The following RNF8 variants were observed in gnomAD, a reference collection of about 807,000 sequenced individuals.
The protein encoded by RNF8 is ring finger protein 8, also known as E3 ubiquitin-protein ligase RNF8.
Under a neutral mutation model 59.3 loss-of-function variants are expected in RNF8, and 8 were observed. That is an observed-to-expected ratio of 0.13 (90% CI 0.08 to 0.24). RNF8 has a LOEUF of 0.24. Among genes scored for constraint, RNF8 ranks in the 10% least tolerant of loss-of-function variants. The pLI, the probability that RNF8 is intolerant of heterozygous loss-of-function variation, is 1.00. For synonymous variants in RNF8, 162 were observed against 200.0 expected, an observed-to-expected ratio of 0.81 and a Z score of 1.60; for missense variants, 406 against 572.6, an observed-to-expected ratio of 0.71 and a Z score of 2.97.
chr6:37,386,020 G>C (rs1436612444), intron 7 of RNF8, among the ~76,000 whole-genome samples: 1 of 151,954 alleles, frequency 6.6e-6, no homozygotes, highest in East Asian at 1.9e-4. Context: ...ATTTTTTGTA[G>C]AGATGGGATT....
intron 4 of RNF8, among the ~76,000 whole-genome samples, chr6:37,371,858 T>A (rs1469226520): frequency 6.6e-6 from 1 of 152,148 alleles, no homozygotes; most frequent in African/African-American, 2.4e-5. Flanking sequence ...GGGAAGTGGC[T>A]CCACTTCTAG....
intron 7 of RNF8, among the ~76,000 whole-genome samples, chr6:37,383,677 T>A (rs193188938): frequency 6.6e-6 from 1 of 152,304 alleles, no homozygotes; most frequent in African/African-American, 2.4e-5. Context: ...GCCATTGATC[T>A]CTTGTGTGAG....
chr6:37,390,721 T>A (rs183247557), intron 7 of RNF8, 21 bp from the exon 8 acceptor site: 1 of 1,583,056 alleles, frequency 6.3e-7, no homozygotes, highest in Admixed American at 1.7e-5. Context: ...ATTTATTTAT[T>A]TCTCTTCTTT....
intron 2 of RNF8, among the ~76,000 whole-genome samples, chr6:37,365,042 T>C (rs1769491340): frequency 6.6e-6 from 1 of 152,156 alleles, no homozygotes; most frequent in Non-Finnish European, 1.5e-5. Flanking sequence ...GTGTTAGGAT[T>C]ACAGGCGTGA....
In RNF8 at chr6:37,368,713, G is replaced by T; in HGVS notation, c.470G>T (p.Ser157Ile). ...GAATTGAGAACTAAAAGGAAATTCAGTTTGGATGAATTAGCAGGTCCTGGA... is the reference window on the plus strand; with the variant it reads ...GAATTGAGAACTAAAAGGAAATTCATTTTGGATGAATTAGCAGGTCCTGGA... Reference protein sequence around the residue: ...NKELRTKRKFSLDELAGPGAE... With the variant: ...NKELRTKRKFILDELAGPGAE... The change falls in exon 3 of 8, where the codon AGT becomes ATT. Residue 157 changes from serine (S) to isoleucine (I), a missense_variant. Physicochemically the swap from Ser to Ile is moderately radical, Grantham distance 142. Around this residue, in one of 3 missense-constraint regions of RNF8, gnomAD observed 285 missense variants for 342.0 expected, o/e 0.83. Coordinates refer to ENST00000373479, the MANE Select transcript of RNF8 (RefSeq NM_003958.4). 1 of 1,614,180 alleles carries T rather than the reference G, an allele frequency of 6.2e-7. No individual in the cohort carries two copies. Among genetic ancestry groups the T allele is most frequent in the South Asian group, 1.1e-5 (1 of 91,080 alleles).
chr6:37,371,463 T>C lies in RNF8; in HGVS notation c.976-49T>C, dbSNP rs751546060. 1.9e-6 allele frequency: 3 copies of C among 1,550,468 alleles called. No homozygotes were observed. The South Asian group carries it at 3.4e-5, about 17-fold the overall frequency. On this transcript the variant is annotated intron_variant, in intron 3 of 7. Coordinates refer to ENST00000373479, the MANE Select transcript of RNF8 (RefSeq NM_003958.4). ...TGCTTGTTGCTGGATTGTGTTCCTT[T>C]TTTTCTTTTCCCTGCAGAGAAACCT...
intron 2 of RNF8, among the ~76,000 whole-genome samples, chr6:37,363,304 G>A (rs532491100): frequency 1.3e-5 from 2 of 152,104 alleles, no homozygotes; most frequent in Non-Finnish European, 2.9e-5. Context: ...AAATACTGAT[G>A]GTAGTACAAT....
At chr6:37,386,138 A>AT (rs1352370152) in intron 7 of RNF8, among the ~76,000 whole-genome samples, 5 of 147,014 alleles carry the variant, frequency 3.4e-5, no homozygotes, top group African/African-American at 9.8e-5. Context: ...ACCTGGGCTA[A>AT]TTTTTTTCCC....
intron 1 of RNF8, chr6:37,359,306 A>G (rs935009416): frequency 1.7e-5 from 7 of 404,610 alleles, no homozygotes; most frequent in Middle Eastern, 3.5e-4. Context: ...ATGTACTCCA[A>G]TGCAAAGACT....
At chr6:37,371,719 C>G in intron 4 of RNF8, 145 bp downstream of exon 4, 1 of 592,242 alleles carries the variant, frequency 1.7e-6, no homozygotes, top group Non-Finnish European at 3.0e-6. Flanking sequence ...CAGCTGCTCA[C>G]ACCATCAGAT....
At chr6:37,387,364 T>G (rs1770548928) in intron 7 of RNF8, among the ~76,000 whole-genome samples, 2 of 152,184 alleles carry the variant, frequency 1.3e-5, no homozygotes, top group Non-Finnish European at 2.9e-5. Context: ...CTTCTGGGTC[T>G]TTCCTTTTTT....
At chr6:37,358,237 T>C (rs1769191049) in intron 1 of RNF8, among the ~76,000 whole-genome samples, 1 of 152,178 alleles carries the variant, frequency 6.6e-6, no homozygotes, top group Admixed American at 6.5e-5. Flanking sequence ...GTGTTGGCAC[T>C]ATGGTATGAG....
In RNF8 at chr6:37,360,480, A is replaced by G; in HGVS notation, c.146A>G (p.Gln49Arg). ...GGACGAGGATTTGGTGTCACATACC[A>G]ACTGGTATCAAAAATCTGCCCCCTG... ...TVGRGFGVTY[Q>R]LVSKICPLMI... Residue 49 changes from glutamine to arginine, a missense_variant, in exon 2 of 8, where the codon CAA (glutamine) becomes CGA (arginine). Physicochemically the swap from Gln to Arg is conservative, Grantham distance 43. Around this residue, in one of 3 missense-constraint regions of RNF8, gnomAD observed 62 missense variants for 112.2 expected, o/e 0.55. Coordinates refer to ENST00000373479, the MANE Select transcript of RNF8 (RefSeq NM_003958.4). The surrounding 1 kb of genome is among the most constrained non-coding windows in gnomAD (Gnocchi z 4.2). The G allele has an allele frequency of 6.2e-7, 1 of 1,614,084 alleles. No individual in the cohort carries two copies. Among genetic ancestry groups the G allele is most frequent in the South Asian group, 1.1e-5 (1 of 91,076 alleles).
In RNF8 at chr6:37,376,952, G is replaced by T; in HGVS notation, c.1155G>T (p.Gln385His). The stretch of plus-strand genomic sequence containing the variant: ...AAGAGAAGGAGAAGATGCAAGCACA[G>T]AAGGAAGAAGTTCTTAGCCACATGA... The part of the protein sequence containing the change: ...TKEEKEKMQA[Q>H]KEEVLSHMND... The change falls in exon 6 of 8, where the codon CAG (glutamine) becomes CAT (histidine). Residue 385 changes from glutamine (Q) to histidine (H), a missense_variant. By Grantham distance (24) the Gln-to-His change is conservative (BLOSUM62 0). This residue lies in a region of RNF8 where 285 missense variants were observed against 342.0 expected (regional missense o/e 0.83). Transcript: ENST00000373479. 6.2e-7 allele frequency: 1 copy of T among 1,607,330 alleles called. No individual in the cohort carries two copies. The highest frequency in any genetic ancestry group is 1.3e-5 in the African/African-American group (1 of 74,662).
At chr6:37,366,299 A>G (rs1185271813) in intron 2 of RNF8, among the ~76,000 whole-genome samples, 3 of 152,098 alleles carry the variant, frequency 2.0e-5, no homozygotes, top group Non-Finnish European at 2.9e-5. Flanking sequence ...GTGTCTTACT[A>G]CTTTTTCTGA....
intron 2 of RNF8, among the ~76,000 whole-genome samples, chr6:37,362,479 T>G (rs973393597): frequency 6.7e-6 from 1 of 148,982 alleles, no homozygotes; most frequent in African/African-American, 2.5e-5. Context: ...ACAACCTGTT[T>G]AAACTTTTTA....
At chr6:37,379,492 C>T (rs1184229078) in intron 6 of RNF8, among the ~76,000 whole-genome samples, 4 of 152,040 alleles carry the variant, frequency 2.6e-5, no homozygotes, top group African/African-American at 7.3e-5. Context: ...AAAGTTGTAT[C>T]TTAGGAGATG....
chr6:37,373,288 G>A (rs1769884033), intron 4 of RNF8, among the ~76,000 whole-genome samples: 1 of 152,158 alleles, frequency 6.6e-6, no homozygotes, highest in African/African-American at 2.4e-5. Context: ...TTTGCTTTGA[G>A]TGGAAAAGAA....
intron 6 of RNF8, among the ~76,000 whole-genome samples, chr6:37,380,114 A>G (rs1770191533): frequency 6.6e-6 from 1 of 151,658 alleles, no homozygotes; most frequent in African/African-American, 2.4e-5. Flanking sequence ...ATAGGGTTTC[A>G]TCATGTCTCT....
Sources: allele counts gnomAD v4.1 joint callset (sites outside exome capture counted in the v4.1 genomes callset), GRCh38; gene constraint gnomAD v4.1.1; regional missense constraint gnomAD v4.1.1; non-coding constraint Gnocchi (gnomAD v3.1); transcripts MANE v1.5; gene names NCBI Gene and HGNC (gene_info 2026-07-23, HGNC 2026-07-21).